Variants in HS6ST3 observed in about 807,000 individuals in gnomAD.
The protein encoded by HS6ST3 is heparan-sulfate 6-O-sulfotransferase 3.
HS6ST3 carries 12 observed loss-of-function variants against 36.7 expected under a neutral mutation model. That is an observed-to-expected ratio of 0.33 (90% CI 0.21 to 0.53). The LOEUF is 0.53. Ranked by LOEUF, HS6ST3 falls within the 20% of genes least tolerant of loss-of-function variation. HS6ST3 has a pLI of 0.95. For missense variants in HS6ST3, 584 were observed against 640.9 expected (o/e 0.91, Z 0.96); for synonymous variants, 240 against 257.5 (o/e 0.93, Z 0.65).
At chr13:96,317,123 C>T (rs1445992731) in intron 1 of HS6ST3, among the ~76,000 whole-genome samples, 1 of 151,594 alleles carries the variant, frequency 6.6e-6, no homozygotes, top group African/African-American at 2.4e-5. Context: ...TTTCTTCCTC[C>T]TTCCTCTAGT....
intron 1 of HS6ST3, among the ~76,000 whole-genome samples, chr13:96,118,957 G>A (rs1224054358): frequency 1.3e-5 from 2 of 150,568 alleles, no homozygotes; most frequent in East Asian, 1.9e-4. Context: ...TGATCCACCC[G>A]CCTCGGCCTC....
In HS6ST3 at chr13:96,626,934, G is replaced by T. The variant is rs141779600; in HGVS notation, c.708-205556G>T. On this transcript the variant is annotated intron_variant, in intron 1 of 1. Coordinates refer to ENST00000376705, the MANE Select transcript of HS6ST3 (RefSeq NM_153456.4). ...CAGTTTTGCTGAAATCTCATACATT[G>T]TAACACTTTATCAGTAACTTTGTTT... 1.4e-3 allele frequency among the ~76,000 whole-genome samples: 213 copies of T among 151,848 alleles called. 1 individual carries two copies. Among genetic ancestry groups the T allele is most frequent in the Non-Finnish European group, 2.8e-3 (190 of 67,908 alleles).
chr13:96,115,480 T>C (rs2053889829), intron 1 of HS6ST3, among the ~76,000 whole-genome samples: 1 of 152,164 alleles, frequency 6.6e-6, no homozygotes, highest in South Asian at 2.1e-4. Context: ...CTCCCACTTA[T>C]GAGTGAGAAC....
At chr13:96,143,905 A>G (rs1300403588) in intron 1 of HS6ST3, among the ~76,000 whole-genome samples, 1 of 152,198 alleles carries the variant, frequency 6.6e-6, no homozygotes, top group Non-Finnish European at 1.5e-5. Flanking sequence ...TATTAACATT[A>G]GGAAAATGTT....
chr13:96,765,233 T>C (rs147299248), intron 1 of HS6ST3, among the ~76,000 whole-genome samples: 13,745 of 152,030 alleles, frequency 0.09, 779 homozygotes, highest in Non-Finnish European at 0.13. Flanking sequence ...CCACCGCGCC[T>C]GGCTAATTTT....
chr13:96,313,863 C>T (rs917611369), intron 1 of HS6ST3, among the ~76,000 whole-genome samples: 5 of 152,060 alleles, frequency 3.3e-5, no homozygotes, highest in African/African-American at 7.2e-5. Context: ...TAATTGTAGA[C>T]GAGATTGACT....
chr13:96,362,557 A>G (rs954151116), intron 1 of HS6ST3, among the ~76,000 whole-genome samples: 1 of 152,166 alleles, frequency 6.6e-6, no homozygotes, highest in Non-Finnish European at 1.5e-5. Context: ...TGTCTCTATC[A>G]TCCCTCGTGC....
rs117804900 is a variant in HS6ST3, at chr13:96,406,591, C to T, written c.707+315022C>T. 2.0e-3 allele frequency among the ~76,000 whole-genome samples: 308 copies of T among 152,220 alleles called. 3 individuals are homozygous for T. Among genetic ancestry groups the T allele is most frequent in the Non-Finnish European group, 1.6e-3 (108 of 68,020 alleles). On this transcript the variant is annotated intron_variant, in intron 1 of 1. Coordinates refer to ENST00000376705, the MANE Select transcript of HS6ST3 (RefSeq NM_153456.4). ...AAATCTAACAGCAAGGTAGGAATTGCGCTATATTTATTCTCAATTTTTCTT... is the reference window on the plus strand; with the variant it reads ...AAATCTAACAGCAAGGTAGGAATTGTGCTATATTTATTCTCAATTTTTCTT...
At chr13:96,195,661 A>C (rs1821120606) in intron 1 of HS6ST3, among the ~76,000 whole-genome samples, 1 of 152,156 alleles carries the variant, frequency 6.6e-6, no homozygotes, top group African/African-American at 2.4e-5. Context: ...TTGGTAGCCG[A>C]CACCATGCAC....
intron 1 of HS6ST3, among the ~76,000 whole-genome samples, chr13:96,361,627 A>T (rs915081173): frequency 1.1e-4 from 16 of 152,164 alleles, no homozygotes; most frequent in Non-Finnish European, 1.9e-4. Context: ...GGATTAGATA[A>T]TCTTTAAGAT....
intron 1 of HS6ST3, among the ~76,000 whole-genome samples, chr13:96,277,452 G>C (rs1163539657): frequency 6.6e-6 from 1 of 152,174 alleles, no homozygotes; most frequent in African/African-American, 2.4e-5. Context: ...TATGAAGGCA[G>C]AGACAAAGAT....
At chr13:96,302,763 TATA>T (rs1458654149) in intron 1 of HS6ST3, among the ~76,000 whole-genome samples, 17 of 152,298 alleles carry the variant, frequency 1.1e-4, no homozygotes, top group Admixed American at 5.9e-4. Flanking sequence ...AATATTGAGA[TATA>T]ATAAGTGTGA....
At chr13:96,247,373 G>A (rs2054589453) in intron 1 of HS6ST3, among the ~76,000 whole-genome samples, 1 of 152,110 alleles carries the variant, frequency 6.6e-6, no homozygotes, top group Admixed American at 6.6e-5. Flanking sequence ...GACCTTGTGG[G>A]AGGTGATTGG....
intron 1 of HS6ST3, among the ~76,000 whole-genome samples, chr13:96,638,233 G>A (rs1170760040): frequency 1.3e-5 from 2 of 152,126 alleles, no homozygotes; most frequent in Non-Finnish European, 2.9e-5. Context: ...GTCCTGTGAA[G>A]TAAGAGAATA....
intron 1 of HS6ST3, among the ~76,000 whole-genome samples, chr13:96,544,516 A>G (rs2056190029): frequency 6.6e-6 from 1 of 152,238 alleles, no homozygotes; most frequent in Non-Finnish European, 1.5e-5. Flanking sequence ...TTAACAAAAG[A>G]GTGAGCACTT....
At chr13:96,516,655 T>G (rs571039765) in intron 1 of HS6ST3, among the ~76,000 whole-genome samples, 2 of 152,348 alleles carry the variant, frequency 1.3e-5, no homozygotes, top group South Asian at 2.1e-4. Context: ...AAAACTCTTA[T>G]TGGTTCAGAG....
chr13:96,654,860 G>A (rs555021771), intron 1 of HS6ST3, among the ~76,000 whole-genome samples: 2 of 152,064 alleles, frequency 1.3e-5, no homozygotes, highest in African/African-American at 4.8e-5. Flanking sequence ...CACTCTATCT[G>A]TATTACTTTT....
rs532583836 is a variant in HS6ST3, at chr13:96,661,046, T to C, written c.708-171444T>C. ...TGGGCTCGTGGACTTATACTAGTGG[T>C]TTTTCTGGGGCTCTTAGGCCTTTGG... On this transcript the variant is annotated intron_variant, in intron 1 of 1. Coordinates refer to ENST00000376705, the MANE Select transcript of HS6ST3 (RefSeq NM_153456.4). 3.3e-5 allele frequency among the ~76,000 whole-genome samples: 5 copies of C among 152,162 alleles called. No individual in the cohort carries two copies. In the South Asian group the frequency reaches 1.0e-3, roughly 32 times the overall value.
chr13:96,746,328 C>T (rs1876561154), intron 1 of HS6ST3, among the ~76,000 whole-genome samples: 1 of 151,986 alleles, frequency 6.6e-6, no homozygotes, highest in Admixed American at 6.6e-5. Context: ...AACAGCTGCC[C>T]CCTAAATTCT....
Sources: allele counts gnomAD v4.1 joint callset (sites outside exome capture counted in the v4.1 genomes callset), GRCh38; gene constraint gnomAD v4.1.1; transcripts MANE v1.5; gene names NCBI Gene and HGNC (gene_info 2026-07-23, HGNC 2026-07-21).